ERICH6: variants seen among roughly 807,000 people sequenced by gnomAD.
ERICH6 encodes the protein glutamate-rich protein 6.
A neutral mutation model predicts 71.0 loss-of-function variants in ERICH6; 71 were observed. The observed-to-expected ratio is 1.00, with a 90% CI of 0.83 to 1.22. The LOEUF is 1.22. ERICH6 is among the 50% of genes most tolerant of loss of function. The pLI is 0.00. For missense variants in ERICH6, 808 were observed against 797.2 expected, an observed-to-expected ratio of 1.01 and a Z score of -0.16; for synonymous variants, 262 against 278.4, an observed-to-expected ratio of 0.94 and a Z score of 0.59.
At chr3:150,700,240 A>ACTTTT (rs1559922482) in intron 2 of ERICH6, among the ~76,000 whole-genome samples, 4 of 119,056 alleles carry the variant, frequency 3.4e-5, no homozygotes, top group African/African-American at 1.5e-4. Flanking sequence ...ATGCCCGGCT[A>ACTTTT]ATTTTTTTTT....
chr3:150,691,640 T>G (rs1023428170), intron 3 of ERICH6, among the ~76,000 whole-genome samples: 1 of 152,154 alleles, frequency 6.6e-6, no homozygotes, highest in African/African-American at 2.4e-5. Context: ...AATAAGAGGA[T>G]TTCTTTAAAA....
intron 3 of ERICH6, among the ~76,000 whole-genome samples, chr3:150,695,777 C>CTATATATATATA (rs145221153): frequency 1.6e-4 from 23 of 147,810 alleles, no homozygotes; most frequent in Non-Finnish European, 2.8e-4. Context: ...ATAGTATATA[C>CTATATATATATA]TATATATATA....
Position 150,703,607 on chromosome 3 carries a change from A to C in ERICH6, c.292T>G (p.Leu98Val), listed in dbSNP as rs769118289. The change falls in exon 1 of 14, where the codon TTA becomes GTA. Residue 98 changes from leucine (L) to valine (V), a missense_variant. Around this residue, in one of 3 missense-constraint regions of ERICH6, gnomAD observed 736 missense variants for 712.2 expected, o/e 1.03. Transcript: ENST00000295910. ...AGGCTAGGGCTGACGATGCTGGCTA[A>C]GCGGGGGCGCACGTCTGGGAAGTCG... is the stretch of plus-strand genomic sequence containing the variant. Reference protein sequence around the residue: ...DDDFPDVRPRLASIVSPSLTS... With the variant: ...DDDFPDVRPRVASIVSPSLTS... 2 of 1,613,910 alleles carry C rather than the reference A, an allele frequency of 1.2e-6. No homozygotes were observed. Among genetic ancestry groups the C allele is most frequent in the African/African-American group, 2.7e-5 (2 of 74,892 alleles).
intron 12 of ERICH6, among the ~76,000 whole-genome samples, chr3:150,667,679 G>A (rs1378852068): frequency 6.6e-6 from 1 of 152,186 alleles, no homozygotes; most frequent in Non-Finnish European, 1.5e-5. Context: ...AGATCTGGCA[G>A]CACTAATCGC....
intron 1 of ERICH6, 89 bp downstream of exon 1, chr3:150,703,407 G>A: frequency 6.9e-7 from 1 of 1,452,404 alleles, no homozygotes; most frequent in Non-Finnish European, 9.0e-7. Context: ...CGACGCGCAG[G>A]TCGACGAAGG....
intron 10 of ERICH6, among the ~76,000 whole-genome samples, chr3:150,674,372 T>C (rs1172193390): frequency 6.6e-6 from 1 of 152,182 alleles, no homozygotes; most frequent in Non-Finnish European, 1.5e-5. Context: ...TGCAGTGCCA[T>C]TGCTATCATA....
chr3:150,686,650 T>C (rs1712204395), intron 3 of ERICH6, among the ~76,000 whole-genome samples: 1 of 152,246 alleles, frequency 6.6e-6, no homozygotes, highest in African/African-American at 2.4e-5. Context: ...TGCCTGAAAC[T>C]GCAGGTATAC....
At chr3:150,677,996 G>A (rs1389028075) in intron 10 of ERICH6, among the ~76,000 whole-genome samples, 3 of 152,174 alleles carry the variant, frequency 2.0e-5, no homozygotes, top group African/African-American at 7.2e-5. Context: ...TCTAGGACTT[G>A]TGGAATGGCT....
At chr3:150,674,961 T>C (rs1711598788) in intron 10 of ERICH6, among the ~76,000 whole-genome samples, 1 of 152,012 alleles carries the variant, frequency 6.6e-6, no homozygotes, top group African/African-American at 2.4e-5. Flanking sequence ...GGTGAAACCC[T>C]GTCTTCACTA....
chr3:150,685,648 T>A (rs1246814067), intron 6 of ERICH6, 94 bp downstream of exon 6: 6 of 1,065,238 alleles, frequency 5.6e-6, no homozygotes, highest in Non-Finnish European at 8.2e-6. Context: ...TTTTTTTTCC[T>A]TTTAGAGTAT....
Position 150,669,443 on chromosome 3 carries a change from G to C in ERICH6, c.1352C>G (p.Ser451Cys), listed in dbSNP as rs765662643. 12 of 1,613,378 alleles carry C rather than the reference G, an allele frequency of 7.4e-6. No homozygotes were observed. The highest frequency in any genetic ancestry group is 8.5e-6 in the Non-Finnish European group (10 of 1,179,786). Residue 451 changes from serine (S) to cysteine (C), a missense_variant, in exon 12 of 14, where the codon TCT becomes TGT. Around this residue, in one of 3 missense-constraint regions of ERICH6, gnomAD observed 736 missense variants for 712.2 expected, o/e 1.03. Coordinates refer to ENST00000295910, the MANE Select transcript of ERICH6 (RefSeq NM_152394.5). ...PDGTTQIFYP[S>C]GNLAIIRVPN... ...CACTCGAATGATGGCTAGGTTTCCA[G>C]ATGGATAGCTGAGATCAGATAAGGT...
chr3:150,685,469 G>T (rs757746931), intron 6 of ERICH6, among the ~76,000 whole-genome samples: 4 of 152,120 alleles, frequency 2.6e-5, no homozygotes, highest in Non-Finnish European at 4.4e-5. Context: ...TCCCCTATAT[G>T]TTGGCCCTGC....
At chr3:150,663,118 A>T (rs1224605898) in intron 13 of ERICH6, among the ~76,000 whole-genome samples, 2 of 152,300 alleles carry the variant, frequency 1.3e-5, no homozygotes, top group African/African-American at 4.8e-5. Flanking sequence ...TTACGTTTTC[A>T]AAGTATCATT....
At position 150,674,001 on chromosome 3, in the gene ERICH6, C is replaced by G; in HGVS notation, c.1298G>C (p.Gly433Ala). The G allele has an allele frequency of 6.2e-7, 1 of 1,614,066 alleles. No individual in the cohort carries two copies. Among genetic ancestry groups the G allele is most frequent in the Non-Finnish European group, 8.5e-7 (1 of 1,179,988 alleles). Residue 433 changes from glycine to alanine, a missense_variant, in exon 11 of 14, where the codon GGG (glycine) becomes GCG (alanine). Physicochemically the swap from Gly to Ala is moderately conservative, Grantham distance 60. Transcript: ENST00000295910. ...NELLEKHYKH[G>A]SKFLTSFPDG... ...TGGAAATGAAGTCAGAAACTTGCTC[C>G]CATGTTTGTAGTGCTTCTCTAAGAG...
Position 150,698,675 on chromosome 3 carries a change from G to A in ERICH6, c.553+116C>T, listed in dbSNP as rs992543152. 9 of 773,658 alleles carry A rather than the reference G, an allele frequency of 1.2e-5. No individual in the cohort carries two copies. The African/African-American group carries it at 1.2e-4, about 10-fold the overall frequency. 47.9% of individuals were successfully genotyped at this position (773,658 alleles called of 1,614,324 possible). On this transcript the variant is annotated intron_variant, in intron 3 of 13. Coordinates refer to ENST00000295910, the MANE Select transcript of ERICH6 (RefSeq NM_152394.5). ...GTAAGCAACTTGCCCAACATCACAA[G>A]GTTAGTATGTGTTGGGGCTGGGATT... is the stretch of plus-strand genomic sequence containing the variant.
rs1224869992 is a variant in ERICH6, at chr3:150,666,826, C to G, written c.1689G>C (p.Met563Ile). 1 of 1,614,086 alleles carries G rather than the reference C, an allele frequency of 6.2e-7. No individual in the cohort carries two copies. The highest frequency in any genetic ancestry group is 1.7e-4 in the Middle Eastern group (1 of 6,060). Reference protein sequence around the residue: ...QDKISITFLAMGQQARISVGT... With the variant: ...QDKISITFLAIGQQARISVGT... ...CAACACTGATTCTTGCCTGTTGGCCCATTGCTAGAAAAGTTATAGAAATCT... is the reference window on the plus strand; with the variant it reads ...CAACACTGATTCTTGCCTGTTGGCCGATTGCTAGAAAAGTTATAGAAATCT... The change falls in exon 13 of 14, where the codon ATG (methionine) becomes ATC (isoleucine). Residue 563 changes from methionine to isoleucine, a missense_variant. By Grantham distance (10) the Met-to-Ile change is conservative. Around this residue, in one of 3 missense-constraint regions of ERICH6, gnomAD observed 736 missense variants for 712.2 expected, o/e 1.03. Coordinates refer to ENST00000295910, the MANE Select transcript of ERICH6 (RefSeq NM_152394.5).
chr3:150,678,202 C>A (rs909190189), intron 10 of ERICH6, among the ~76,000 whole-genome samples: 1 of 152,174 alleles, frequency 6.6e-6, no homozygotes, highest in Non-Finnish European at 1.5e-5. Context: ...TAATATGCAA[C>A]TCTTACATTT....
At chr3:150,660,519 A>G (rs184355918) in intron 13 of ERICH6, among the ~76,000 whole-genome samples, 1 of 152,230 alleles carries the variant, frequency 6.6e-6, no homozygotes, top group Non-Finnish European at 1.5e-5. Context: ...GCTCACTGGG[A>G]AGGCACTGAG....
chr3:150,662,311 T>A (rs538352426), intron 13 of ERICH6, among the ~76,000 whole-genome samples: 27 of 152,304 alleles, frequency 1.8e-4, no homozygotes, highest in African/African-American at 5.1e-4. Context: ...TCAAAATATA[T>A]ACGGCAAAAG....
Sources: allele counts gnomAD v4.1 joint callset (sites outside exome capture counted in the v4.1 genomes callset), GRCh38; gene constraint gnomAD v4.1.1; regional missense constraint gnomAD v4.1.1; transcripts MANE v1.5; gene names NCBI Gene and HGNC (gene_info 2026-07-23, HGNC 2026-07-21).